Variants in PGM2 observed in about 807,000 individuals in gnomAD.
PGM2 encodes the protein phosphoglucomutase 2.
Under a neutral mutation model 74.6 loss-of-function variants are expected in PGM2, and 57 were observed. The observed-to-expected ratio is 0.76, with a 90% confidence interval of 0.62 to 0.95. PGM2 has a LOEUF of 0.95. PGM2 is among the 40% of genes least tolerant of loss of function. PGM2 has a pLI of 0.00. For missense variants in PGM2, 706 were observed against 741.9 expected, an observed-to-expected ratio of 0.95 and a Z score of 0.56; for synonymous variants, 273 against 260.7, an observed-to-expected ratio of 1.05 and a Z score of -0.46.
At chr4:37,848,912 A>G (rs1325472999) in intron 11 of PGM2, among the ~76,000 whole-genome samples, 1 of 152,042 alleles carries the variant, frequency 6.6e-6, no homozygotes, top group Non-Finnish European at 1.5e-5. Context: ...TCCACTAAAC[A>G]TACAAAAATT....
At chr4:37,858,514 T>G (rs77759429) in intron 13 of PGM2, among the ~76,000 whole-genome samples, 1 of 49,634 alleles carries the variant, frequency 2.0e-5, no homozygotes, top group East Asian at 9.1e-4. Flanking sequence ...TTTTTTGGTG[T>G]TTTTTTTTTT....
intron 1 of PGM2, among the ~76,000 whole-genome samples, chr4:37,829,377 A>G (rs1011192240): frequency 2.0e-5 from 3 of 152,208 alleles, no homozygotes; most frequent in South Asian, 2.1e-4. Flanking sequence ...AGATGTTACA[A>G]TATTCAAACT....
chr4:37,849,782 ATTTAT>A (rs1275460503), intron 11 of PGM2, among the ~76,000 whole-genome samples: 1 of 151,260 alleles, frequency 6.6e-6, no homozygotes, highest in African/African-American at 2.4e-5. Flanking sequence ...TTATTTTATT[ATTTAT>A]TTTATTTTAT....
intron 13 of PGM2, among the ~76,000 whole-genome samples, chr4:37,858,290 A>G (rs980454519): frequency 7.2e-5 from 11 of 152,098 alleles, no homozygotes; most frequent in African/African-American, 2.7e-4. Context: ...CGGCTTAAGC[A>G]AGGCACCAGC....
chr4:37,839,072 T>C (rs1411492827), intron 4 of PGM2, among the ~76,000 whole-genome samples: 1 of 151,274 alleles, frequency 6.6e-6, no homozygotes, highest in East Asian at 1.9e-4. Context: ...GAGTGAGAGA[T>C]AAATGAGGAA....
Position 37,862,300 on chromosome 4 carries a change from A to G in PGM2, c.*688A>G, listed in dbSNP as rs1033842232. 6.6e-6 allele frequency: 1 copy of G among 152,008 alleles called. No homozygotes were observed. Among genetic ancestry groups the G allele is most frequent in the African/African-American group, 2.4e-5 (1 of 41,388 alleles). The allele number at this position is 152,008 out of a possible 1,614,324, so 9.4% of individuals were successfully genotyped here. On this transcript the variant is annotated 3_prime_UTR_variant, in exon 14 of 14. Coordinates refer to ENST00000381967, the MANE Select transcript of PGM2 (RefSeq NM_018290.4). Reference sequence around the variant, plus strand: ...AACTCATCTTTTTAAATCTTGAAAAACCAATTGTTTACTTGAAACTTGAAA... The same window carrying G: ...AACTCATCTTTTTAAATCTTGAAAAGCCAATTGTTTACTTGAAACTTGAAA...
chr4:37,844,583 T>C, intron 7 of PGM2, 30 bp downstream of exon 7: 4 of 1,336,900 alleles, frequency 3.0e-6, no homozygotes, highest in Non-Finnish European at 4.2e-6. Context: ...AATTATGAAA[T>C]CTGCTTTTAT....
At chr4:37,830,421 C>A in intron 2 of PGM2, among the ~76,000 whole-genome samples, 1 of 152,202 alleles carries the variant, frequency 6.6e-6, no homozygotes, top group East Asian at 1.9e-4. Context: ...CAGATTCTCT[C>A]ATGGAGCTTT....
chr4:37,832,585 G>T (rs1188815382), intron 2 of PGM2, among the ~76,000 whole-genome samples: 2 of 152,134 alleles, frequency 1.3e-5, no homozygotes, highest in African/African-American at 4.8e-5. Flanking sequence ...ATTGATAGAG[G>T]TTATAATTTC....
At chr4:37,836,698 G>T (rs539732476) in intron 3 of PGM2, among the ~76,000 whole-genome samples, 1 of 152,096 alleles carries the variant, frequency 6.6e-6, no homozygotes, top group African/African-American at 2.4e-5. Flanking sequence ...TAAGTAAATC[G>T]CTCATTTATT....
At chr4:37,845,858 A>G in intron 8 of PGM2, 128 bp downstream of exon 8, 2 of 658,980 alleles carry the variant, frequency 3.0e-6, no homozygotes, top group South Asian at 1.7e-5. Context: ...TGATCATTTC[A>G]CTGAACCTCC....
intron 2 of PGM2, among the ~76,000 whole-genome samples, chr4:37,833,901 GA>G (rs1449080569): frequency 1.3e-5 from 2 of 150,142 alleles, no homozygotes; most frequent in East Asian, 4.0e-4. Context: ...CAAATTCTCA[GA>G]TTGTGCTTCT....
In PGM2 at chr4:37,830,040, C is replaced by T. The variant is rs1228531163; in HGVS notation, c.158C>T (p.Ala53Val). Residue 53 changes from alanine (A) to valine (V), a missense_variant, in exon 2 of 14, where the codon GCC becomes GTC. Coordinates refer to ENST00000381967, the MANE Select transcript of PGM2 (RefSeq NM_018290.4). ...GAAGAACTACGAAAATGTTTTGGGG[C>T]CCGAATGGAGTTTGGGACAGCTGGC... ...NKEELRKCFG[A>V]RMEFGTAGLR... is the part of the protein sequence containing the mutation. The T allele has an allele frequency of 6.2e-7, 1 of 1,606,360 alleles. No individual in the cohort carries two copies. The highest frequency in any genetic ancestry group is 1.7e-5 in the Admixed American group (1 of 58,638).
intron 3 of PGM2, 65 bp from the exon 4 acceptor site, chr4:37,837,464 T>C (rs1310523456): frequency 4.3e-6 from 4 of 920,274 alleles, no homozygotes; most frequent in Admixed American, 1.7e-5. Flanking sequence ...CATTTCCTTC[T>C]TTCCATCACT....
intron 13 of PGM2, among the ~76,000 whole-genome samples, chr4:37,858,807 T>C (rs1267544138): frequency 1.3e-5 from 2 of 152,196 alleles, no homozygotes; most frequent in Non-Finnish European, 2.9e-5. Flanking sequence ...TTTAAAAATA[T>C]ATTTTTGTCA....
At chr4:37,855,853 A>G in intron 13 of PGM2, 112 bp downstream of exon 13, 20 of 923,370 alleles carry the variant, frequency 2.2e-5, no homozygotes, top group Non-Finnish European at 3.2e-5. Flanking sequence ...TTAATTAGAA[A>G]TGCTGTTTCA....
chr4:37,857,410 A>G (rs1343352170), intron 13 of PGM2, among the ~76,000 whole-genome samples: 4 of 152,216 alleles, frequency 2.6e-5, no homozygotes, highest in African/African-American at 9.6e-5. Flanking sequence ...AGCAGATTAA[A>G]TGTAGCAAAT....
chr4:37,857,344 C>G (rs1711556417), intron 13 of PGM2, among the ~76,000 whole-genome samples: 1 of 152,062 alleles, frequency 6.6e-6, no homozygotes, highest in Non-Finnish European at 1.5e-5. Context: ...GTGAATCAAA[C>G]TTGTGCAAAT....
At chr4:37,835,021 T>C (rs1725530529) in intron 3 of PGM2, among the ~76,000 whole-genome samples, 1 of 152,192 alleles carries the variant, frequency 6.6e-6, no homozygotes, top group Non-Finnish European at 1.5e-5. Context: ...TACCCTGCTA[T>C]TCATAAACCT....
Sources: gnomAD v4.1 joint callset for allele counts (sites outside exome capture counted in the v4.1 genomes callset) on GRCh38, gnomAD v4.1.1 for gene constraint, MANE v1.5 for transcripts, NCBI Gene and HGNC (gene_info 2026-07-23, HGNC 2026-07-21) for gene names.